SNX13: variants seen among roughly 807,000 people sequenced by gnomAD.
The protein encoded by SNX13 is sorting nexin 13.
In SNX13, 45 loss-of-function variants were observed where a neutral mutation model predicts 133.6. The ratio of observed to expected loss-of-function variants is 0.34; its 90% CI spans 0.27 to 0.43. The LOEUF (loss-of-function observed/expected upper bound fraction) is 0.43. Among genes scored for constraint, SNX13 ranks in the 20% least tolerant of loss-of-function variants. The pLI, the probability that SNX13 is intolerant of heterozygous loss-of-function variation, is 1.00. For missense variants in SNX13, 1,032 were observed against 1,145.1 expected, an observed-to-expected ratio of 0.90 and a Z score of 1.43; for synonymous variants, 414 against 373.9, an observed-to-expected ratio of 1.11 and a Z score of -1.24.
intron 21 of SNX13, 120 bp from the exon 22 acceptor site, chr7:17,801,779 G>A (rs1784674058): frequency 1.6e-6 from 1 of 629,538 alleles, no homozygotes; most frequent in East Asian, 3.1e-5. Flanking sequence ...CAATATATAA[G>A]CCAAATTTAA....
Position 17,798,558 on chromosome 7 carries a change from T to G in SNX13, c.2513+132A>C. On this transcript the variant is annotated intron_variant, in intron 24 of 25. Coordinates refer to ENST00000428135, the MANE Select transcript of SNX13 (RefSeq NM_015132.5). ...AAATGTTTAGTATAATTCTTAGAAG[T>G]CTTTTTGCTCATCAATGATAACTAA... The G allele has an allele frequency of 4.8e-6, 3 of 626,796 alleles. 1 individual carries two copies. In the South Asian group the frequency reaches 5.8e-5, roughly 12 times the overall value. The allele number at this position is 626,796 out of a possible 1,614,324, so 38.8% of individuals were successfully genotyped here.
In SNX13 at chr7:17,890,352, C is replaced by T. The variant is rs202039214; in HGVS notation, c.440+11G>A. On this transcript the variant is annotated intron_variant, in intron 5 of 25. Coordinates refer to ENST00000428135, the MANE Select transcript of SNX13 (RefSeq NM_015132.5). ...AAATTTTTCTGCATAAATACAATGT[C>T]GTGTCCTTACCTAGTAGCAAACTGA... 6.3e-5 allele frequency: 101 copies of T among 1,605,948 alleles called. 1 individual carries two copies. In the East Asian group the frequency reaches 2.0e-3, roughly 32 times the overall value.
chr7:17,803,670 T>C (rs1475552042), intron 20 of SNX13, 90 bp from the exon 21 acceptor site: 2 of 1,122,128 alleles, frequency 1.8e-6, no homozygotes, highest in East Asian at 2.6e-5. Context: ...AGTGCAACAC[T>C]GGAAAGATGC....
At chr7:17,873,082 A>G (rs1443531316) in intron 8 of SNX13, among the ~76,000 whole-genome samples, 1 of 152,238 alleles carries the variant, frequency 6.6e-6, no homozygotes, top group Admixed American at 6.5e-5. Flanking sequence ...ATTTAAAACA[A>G]ACTTTTGTCA....
chr7:17,803,757 T>G (rs557618317), intron 20 of SNX13, among the ~76,000 whole-genome samples, 177 bp from the exon 21 acceptor site: 2 of 152,050 alleles, frequency 1.3e-5, no homozygotes, highest in African/African-American at 2.4e-5. Flanking sequence ...CTTAAAAACG[T>G]ATTTTCAGCT....
At chr7:17,875,122 T>G (rs536168915) in intron 7 of SNX13, among the ~76,000 whole-genome samples, 1 of 152,186 alleles carries the variant, frequency 6.6e-6, no homozygotes, top group Non-Finnish European at 1.5e-5. Flanking sequence ...TTCTCCCACC[T>G]CAGCCAGCTG....
intron 1 of SNX13, among the ~76,000 whole-genome samples, chr7:17,924,266 G>C (rs1205571620): frequency 6.6e-6 from 1 of 152,194 alleles, no homozygotes; most frequent in Non-Finnish European, 1.5e-5. Flanking sequence ...AATATACAAA[G>C]AATTATTAAA....
intron 12 of SNX13, among the ~76,000 whole-genome samples, chr7:17,841,163 G>A (rs1789823448): frequency 6.6e-6 from 1 of 151,056 alleles, no homozygotes; most frequent in Non-Finnish European, 1.5e-5. Context: ...GGCAGCCTTT[G>A]TTGTTGCATA....
intron 13 of SNX13, among the ~76,000 whole-genome samples, chr7:17,839,596 T>C (rs1333508797): frequency 1.3e-5 from 2 of 152,026 alleles, no homozygotes; most frequent in Non-Finnish European, 2.9e-5. Flanking sequence ...TCTTATTCTA[T>C]CATTTAGTAT....
At chr7:17,855,549 G>T (rs760691558) in intron 9 of SNX13, among the ~76,000 whole-genome samples, 4 of 152,106 alleles carry the variant, frequency 2.6e-5, no homozygotes, top group Non-Finnish European at 5.9e-5. Flanking sequence ...AAATTCTAGG[G>T]CCCTTAGGAA....
chr7:17,839,075 T>C (rs1029306654), intron 13 of SNX13, among the ~76,000 whole-genome samples: 46 of 149,876 alleles, frequency 3.1e-4, no homozygotes, highest in African/African-American at 1.0e-3. Flanking sequence ...AATACATGTA[T>C]GCTATAAGTT....
intron 22 of SNX13, among the ~76,000 whole-genome samples, chr7:17,799,740 T>C (rs1406534568): frequency 2.0e-5 from 3 of 151,730 alleles, no homozygotes; most frequent in African/African-American, 7.2e-5. Flanking sequence ...CAAATAAAAG[T>C]CAGTATTATG....
Position 17,824,455 on chromosome 7 carries a change from C to G in SNX13, c.1705+1567G>C, listed in dbSNP as rs192149743. Among the ~76,000 whole-genome samples the G allele has an allele frequency of 1.2e-3, 187 of 152,154 alleles. 1 individual carries two copies. The highest frequency in any genetic ancestry group is 1.4e-3 in the Non-Finnish European group (97 of 67,982). On this transcript the variant is annotated intron_variant, in intron 17 of 25. Transcript: ENST00000428135. ...AATAAGTATTTAATGAACCAAAAAT[C>G]AAATATGTTTACCATGCATAATTAC...
intron 9 of SNX13, among the ~76,000 whole-genome samples, chr7:17,861,567 A>G (rs1792702736): frequency 6.6e-6 from 1 of 152,180 alleles, no homozygotes; most frequent in Admixed American, 6.5e-5. Flanking sequence ...TAGTCAAGTG[A>G]GCTCGAGGAT....
Position 17,940,465 on chromosome 7 carries a change from G to A in SNX13, c.-170C>T. 1 of 750,570 alleles carries A rather than the reference G, an allele frequency of 1.3e-6. No homozygotes were observed. Among genetic ancestry groups the A allele is most frequent in the Non-Finnish European group, 2.3e-6 (1 of 428,934 alleles). 46.5% of individuals were successfully genotyped at this position (750,570 alleles called of 1,614,324 possible). The stretch of plus-strand genomic sequence containing the variant: ...TGGCCTCCCCTCGGCCCGGTCGCTC[G>A]CGACGGACGCGCCGCCATCTTGGAA... On this transcript the variant is annotated 5_prime_UTR_variant, in exon 1 of 26. An upstream open reading frame in the 5' UTR gains an earlier in-frame stop. Transcript: ENST00000428135.
At chr7:17,828,762 T>C (rs1788174009) in intron 16 of SNX13, among the ~76,000 whole-genome samples, 1 of 151,456 alleles carries the variant, frequency 6.6e-6, no homozygotes, top group African/African-American at 2.4e-5. Context: ...CAAAAGAGAC[T>C]TATCTTATTT....
chr7:17,831,790 A>G (rs1190088266), intron 15 of SNX13: 2 of 983,476 alleles, frequency 2.0e-6, no homozygotes, highest in Non-Finnish European at 2.4e-6. Context: ...TATAACAAAA[A>G]AAGTGGAAAG....
At chr7:17,888,704 A>C (rs1796285622) in intron 5 of SNX13, 1 of 470,772 alleles carries the variant, frequency 2.1e-6, no homozygotes, top group Non-Finnish European at 4.4e-6. Flanking sequence ...TGTTTTATTC[A>C]CTGCTGTATC....
At chr7:17,868,750 G>A (rs190146368) in intron 8 of SNX13, among the ~76,000 whole-genome samples, 1 of 152,198 alleles carries the variant, frequency 6.6e-6, no homozygotes, top group East Asian at 1.9e-4. Context: ...GATACCTCTA[G>A]TATGTTAGCA....
Sources: gnomAD v4.1 joint callset for allele counts (sites outside exome capture counted in the v4.1 genomes callset) on GRCh38, gnomAD v4.1.1 for gene constraint, MANE v1.5 for transcripts, NCBI Gene and HGNC (gene_info 2026-07-23, HGNC 2026-07-21) for gene names.